NELL1: variants seen among roughly 807,000 people sequenced by gnomAD.
NELL1 encodes the protein neural EGFL like 1, also known as protein kinase C-binding protein NELL1.
Under a neutral mutation model 107.4 loss-of-function variants are expected in NELL1, and 76 were observed. The ratio of observed to expected loss-of-function variants is 0.71; its 90% CI spans 0.59 to 0.86. The LOEUF is 0.86. Ranked by LOEUF, NELL1 falls within the 40% of genes least tolerant of loss-of-function variation. The pLI is 0.00. For missense variants in NELL1, 1,024 were observed against 1,005.5 expected, an observed-to-expected ratio of 1.02 and a Z score of -0.25; for synonymous variants, 353 against 341.2, an observed-to-expected ratio of 1.03 and a Z score of -0.38.
intron 11 of NELL1, among the ~76,000 whole-genome samples, chr11:20,957,679 TAA>T (rs1182970578): frequency 6.6e-6 from 1 of 151,934 alleles, no homozygotes; most frequent in Non-Finnish European, 1.5e-5. Context: ...AATGAAAGAA[TAA>T]GAGACTATCA....
intron 2 of NELL1, among the ~76,000 whole-genome samples, chr11:20,701,151 C>T (rs1854772655): frequency 6.6e-6 from 1 of 152,132 alleles, no homozygotes; most frequent in Admixed American, 6.5e-5. Flanking sequence ...CCTATTTCTC[C>T]ACATCCTCTG....
At chr11:21,004,933 A>G (rs373972194) in intron 12 of NELL1, among the ~76,000 whole-genome samples, 2 of 152,144 alleles carry the variant, frequency 1.3e-5, no homozygotes, top group East Asian at 3.9e-4. Flanking sequence ...TTTTTTCTAT[A>G]CCTGTCTTTT....
chr11:21,546,950 T>G (rs1026832809), intron 16 of NELL1, among the ~76,000 whole-genome samples: 1 of 151,950 alleles, frequency 6.6e-6, no homozygotes, highest in African/African-American at 2.4e-5. Context: ...TAAAGGAACA[T>G]TCATTGAGAG....
chr11:20,991,752 G>A (rs1330575600), intron 12 of NELL1, among the ~76,000 whole-genome samples: 3 of 152,302 alleles, frequency 2.0e-5, no homozygotes, highest in Non-Finnish European at 4.4e-5. Flanking sequence ...ACCTGCTCTG[G>A]GAACGATACT....
intron 2 of NELL1, among the ~76,000 whole-genome samples, chr11:20,700,663 C>T (rs938465828): frequency 1.3e-5 from 2 of 151,926 alleles, no homozygotes; most frequent in African/African-American, 2.4e-5. Context: ...CCCCCCTTCC[C>T]CCACCCCACA....
chr11:21,335,840 C>T (rs981696888), intron 14 of NELL1, among the ~76,000 whole-genome samples: 1 of 152,044 alleles, frequency 6.6e-6, no homozygotes, highest in African/African-American at 2.4e-5. Context: ...TTTTATAAAT[C>T]ATCTCTGTTT....
intron 15 of NELL1, among the ~76,000 whole-genome samples, chr11:21,474,612 CT>C (rs1235498556): frequency 6.6e-6 from 1 of 152,108 alleles, no homozygotes; most frequent in Non-Finnish European, 1.5e-5. Flanking sequence ...ATTTGTACCC[CT>C]GTCCCTTTCA....
At chr11:21,057,556 C>A (rs1206935900) in intron 12 of NELL1, among the ~76,000 whole-genome samples, 1 of 151,644 alleles carries the variant, frequency 6.6e-6, no homozygotes, top group Non-Finnish European at 1.5e-5. Flanking sequence ...TGTTTAACAA[C>A]AAGAAACTGG....
chr11:21,560,796 C>T (rs1218499614), intron 17 of NELL1, among the ~76,000 whole-genome samples: 1 of 152,086 alleles, frequency 6.6e-6, no homozygotes, highest in East Asian at 1.9e-4. Context: ...ATGACATCAT[C>T]TAGAAAAGCA....
chr11:20,784,997 G>A (rs563943241), intron 3 of NELL1, among the ~76,000 whole-genome samples: 1 of 152,330 alleles, frequency 6.6e-6, no homozygotes, highest in Admixed American at 6.5e-5. Context: ...AAATGCATTA[G>A]GTTAGTGGTT....
intron 3 of NELL1, among the ~76,000 whole-genome samples, chr11:20,824,698 G>C (rs1270835287): frequency 6.6e-6 from 1 of 151,342 alleles, no homozygotes; most frequent in Non-Finnish European, 1.5e-5. Context: ...TTAGCAAATA[G>C]ACTGTTGGTA....
intron 4 of NELL1, among the ~76,000 whole-genome samples, chr11:20,871,556 T>G (rs1849198034): frequency 6.6e-6 from 1 of 152,202 alleles, no homozygotes; most frequent in African/African-American, 2.4e-5. Flanking sequence ...TCAGGAGAAC[T>G]CTTTCATTTC....
At chr11:21,290,121 G>A (rs906750572) in intron 14 of NELL1, among the ~76,000 whole-genome samples, 3 of 152,134 alleles carry the variant, frequency 2.0e-5, no homozygotes, top group Non-Finnish European at 4.4e-5. Flanking sequence ...TGTAATCCCA[G>A]CACTTTGGGA....
At chr11:21,135,186 G>C (rs533960714) in intron 13 of NELL1, among the ~76,000 whole-genome samples, 4 of 152,238 alleles carry the variant, frequency 2.6e-5, no homozygotes, top group African/African-American at 4.8e-5. Context: ...TGGTTGTTGG[G>C]AACATGTAGA....
chr11:21,157,222 A>G (rs1447528893), intron 13 of NELL1, among the ~76,000 whole-genome samples: 1 of 151,792 alleles, frequency 6.6e-6, no homozygotes, highest in African/African-American at 2.4e-5. Flanking sequence ...AAGAAATGAA[A>G]CATCCCCATG....
intron 12 of NELL1, among the ~76,000 whole-genome samples, chr11:21,036,557 C>T (rs181087861): frequency 5.4e-4 from 82 of 152,222 alleles, no homozygotes; most frequent in Non-Finnish European, 1.1e-3. Flanking sequence ...ATTTTCTCTT[C>T]CTTGGAACTC....
chr11:20,891,544 C>G (rs1438510810), intron 5 of NELL1, among the ~76,000 whole-genome samples: 3 of 151,952 alleles, frequency 2.0e-5, no homozygotes, highest in African/African-American at 7.3e-5. Flanking sequence ...GGCTAAGTGC[C>G]CCAATTAAAA....
intron 15 of NELL1, among the ~76,000 whole-genome samples, chr11:21,506,485 T>C (rs1855281860): frequency 6.6e-6 from 1 of 152,200 alleles, no homozygotes; most frequent in Non-Finnish European, 1.5e-5. Flanking sequence ...TTTAAGAATA[T>C]TGAAGTAGAA....
At chr11:21,574,900 G>A in intron 19 of NELL1, 72 bp from the exon 20 acceptor site, 1 of 1,280,340 alleles carries the variant, frequency 7.8e-7, no homozygotes. Flanking sequence ...GTTGTTTTGA[G>A]TATAAAAATT....
Sources: allele counts gnomAD v4.1 joint callset (sites outside exome capture counted in the v4.1 genomes callset), GRCh38; gene constraint gnomAD v4.1.1; transcripts MANE v1.5; gene names NCBI Gene and HGNC (gene_info 2026-07-23, HGNC 2026-07-21).